Variants in IQCK observed in about 807,000 individuals in gnomAD.
The protein encoded by IQCK is IQ motif containing K.
Under a neutral mutation model 28.1 loss-of-function variants are expected in IQCK, and 29 were observed. That is an observed-to-expected ratio of 1.03 (90% CI 0.77 to 1.41). The LOEUF (loss-of-function observed/expected upper bound fraction) is 1.41, where lower values mean the gene tolerates loss of function less well. Among genes scored for constraint, IQCK ranks in the 40% most tolerant of loss-of-function variants. The probability of loss-of-function intolerance (pLI) is 0.00; values close to 1 mark genes in which losing one functional copy is unlikely to be tolerated. For missense variants in IQCK, 359 were observed against 314.7 expected, an observed-to-expected ratio of 1.14 and a Z score of -1.07; for synonymous variants, 113 against 115.1, an observed-to-expected ratio of 0.98 and a Z score of 0.12.
intron 6 of IQCK, among the ~76,000 whole-genome samples, chr16:19,774,128 C>T (rs750672382): frequency 4.6e-5 from 7 of 152,248 alleles, no homozygotes; most frequent in Non-Finnish European, 8.8e-5. Flanking sequence ...AAAGAAGTGA[C>T]AGTGTAGTGT....
chr16:19,827,132 A>T, exon 8 of IQCK: 4 of 1,608,850 alleles, frequency 2.5e-6, no homozygotes, highest in Non-Finnish European at 3.4e-6. Flanking sequence ...AAGCAAGAAC[A>T]AAAAGGTAAG....
chr16:19,754,010 C>G (rs1047702855), intron 4 of IQCK, among the ~76,000 whole-genome samples: 4 of 152,050 alleles, frequency 2.6e-5, no homozygotes, highest in Admixed American at 2.6e-4. Context: ...ATTCCTGATT[C>G]AGTGCATCCC....
intron 4 of IQCK, among the ~76,000 whole-genome samples, chr16:19,758,276 A>C (rs952201800): frequency 5.3e-5 from 8 of 152,192 alleles, no homozygotes; most frequent in Non-Finnish European, 1.0e-4. Flanking sequence ...ACTAAACAAC[A>C]GCTGAACAAT....
chr16:19,785,118 G>A (rs1328894792), intron 6 of IQCK, among the ~76,000 whole-genome samples: 1 of 152,150 alleles, frequency 6.6e-6, no homozygotes, highest in Non-Finnish European at 1.5e-5. Flanking sequence ...GACAAACCAG[G>A]AAAAAGAGGT....
intron 6 of IQCK, among the ~76,000 whole-genome samples, chr16:19,765,787 G>A (rs923307014): frequency 6.6e-6 from 1 of 151,876 alleles, no homozygotes; most frequent in Non-Finnish European, 1.5e-5. Flanking sequence ...GAAATGTATA[G>A]CCCAAAATTT....
At chr16:19,817,986 A>G (rs978212177) in intron 7 of IQCK, among the ~76,000 whole-genome samples, 1 of 152,206 alleles carries the variant, frequency 6.6e-6, no homozygotes, top group African/African-American at 2.4e-5. Context: ...GTTTATTCTC[A>G]TGAAGGTTAT....
At chr16:19,750,251 C>CTGT (rs2054967817) in intron 4 of IQCK, among the ~76,000 whole-genome samples, 1 of 151,734 alleles carries the variant, frequency 6.6e-6, no homozygotes, top group South Asian at 2.1e-4. Context: ...CTCAGCCTCC[C>CTGT]AAGTAGCTAG....
At chr16:19,826,356 T>C (rs2056148703) in intron 7 of IQCK, among the ~76,000 whole-genome samples, 1 of 152,034 alleles carries the variant, frequency 6.6e-6, no homozygotes, top group African/African-American at 2.4e-5. Flanking sequence ...AGATTTTGAA[T>C]GTTTTAGGTT....
chr16:19,738,135 T>C (rs1300543076), intron 4 of IQCK, among the ~76,000 whole-genome samples: 1 of 152,256 alleles, frequency 6.6e-6, no homozygotes, highest in Non-Finnish European at 1.5e-5. Context: ...TTTATTTTTA[T>C]ATCTTTAGTC....
intron 1 of IQCK, among the ~76,000 whole-genome samples, chr16:19,721,101 C>A (rs1324643814): frequency 6.6e-6 from 1 of 151,820 alleles, no homozygotes; most frequent in African/African-American, 2.4e-5. Context: ...TGGATAAACC[C>A]AATTCTTAAA....
intron 7 of IQCK, among the ~76,000 whole-genome samples, chr16:19,804,965 C>A (rs1259461655): frequency 2.6e-5 from 4 of 152,106 alleles, no homozygotes. Flanking sequence ...GTGGCTTCCC[C>A]ACATTGTTGG....
intron 9 of IQCK, among the ~76,000 whole-genome samples, chr16:19,836,242 A>C (rs1441283956): frequency 6.6e-6 from 1 of 152,182 alleles, no homozygotes; most frequent in Non-Finnish European, 1.5e-5. Context: ...TCTCCATTTT[A>C]ACCTGAAAAA....
chr16:19,771,280 C>A (rs1052470902), intron 6 of IQCK, among the ~76,000 whole-genome samples: 1 of 152,120 alleles, frequency 6.6e-6, no homozygotes, highest in Non-Finnish European at 1.5e-5. Flanking sequence ...TTGGTAGAAA[C>A]AGTGTTTTGG....
chr16:19,856,653 A>G, exon 10 of IQCK: 2 of 875,064 alleles, frequency 2.3e-6, no homozygotes, highest in Non-Finnish European at 3.7e-6. Flanking sequence ...CAAGACTTGG[A>G]ACATGTGCAA....
At chr16:19,857,485 G>A (rs2056576453) in exon 10 of IQCK, 3 of 433,524 alleles carry the variant, frequency 6.9e-6, no homozygotes, top group African/African-American at 2.1e-5. Context: ...GAAGATAAAG[G>A]TACATTATAA....
intron 7 of IQCK, among the ~76,000 whole-genome samples, chr16:19,810,276 C>T (rs1188469390): frequency 1.3e-5 from 2 of 151,848 alleles, no homozygotes; most frequent in Non-Finnish European, 2.9e-5. Flanking sequence ...GCGGGCGGAT[C>T]ACGAGGTCAG....
intron 1 of IQCK, among the ~76,000 whole-genome samples, chr16:19,725,356 C>T (rs2151674569): frequency 6.6e-6 from 1 of 152,242 alleles, no homozygotes; most frequent in African/African-American, 2.4e-5. Flanking sequence ...GCCACCACAC[C>T]CAGCTAATTT....
intron 4 of IQCK, among the ~76,000 whole-genome samples, chr16:19,760,902 G>T (rs1389396861): frequency 6.6e-6 from 1 of 152,164 alleles, no homozygotes; most frequent in Non-Finnish European, 1.5e-5. Context: ...GATTATTCAT[G>T]CCTCCCATGT....
At chr16:19,724,649 G>A (rs1383710746) in intron 1 of IQCK, among the ~76,000 whole-genome samples, 1 of 151,828 alleles carries the variant, frequency 6.6e-6, no homozygotes, top group African/African-American at 2.4e-5. Flanking sequence ...CTGCCTCAGC[G>A]TCCTGAGTAG....
Sources: allele counts gnomAD v4.1 joint callset (sites outside exome capture counted in the v4.1 genomes callset), GRCh38; gene constraint gnomAD v4.1.1; transcripts MANE v1.5; gene names NCBI Gene and HGNC (gene_info 2026-07-23, HGNC 2026-07-21).